Variants in CLSTN3 observed in about 807,000 individuals in gnomAD.
CLSTN3 encodes calsyntenin 3.
A neutral mutation model predicts 95.9 loss-of-function variants in CLSTN3; 36 were observed. The observed-to-expected ratio is 0.38, with a 90% CI of 0.29 to 0.50. The LOEUF is 0.50. Among genes scored for constraint, CLSTN3 ranks in the 20% least tolerant of loss-of-function variants. The pLI, the probability that CLSTN3 is intolerant of heterozygous loss-of-function variation, is 0.95. For synonymous variants in CLSTN3, 481 were observed against 504.0 expected, an observed-to-expected ratio of 0.95 and a Z score of 0.61; for missense variants, 1,084 against 1,268.8, an observed-to-expected ratio of 0.85 and a Z score of 2.21.
chr12:7,130,746 G>A, intron 1 of CLSTN3, 34 bp downstream of exon 1: 3 of 1,540,330 alleles, frequency 1.9e-6, no homozygotes, highest in Non-Finnish European at 2.6e-6. Flanking sequence ...ACCGAAAGAG[G>A]GGCGTCGGGC....
rs1375510736 is a variant in CLSTN3, at chr12:7,137,300, A to G, written c.1210+190A>G. The G allele has an allele frequency of 6.5e-6, 4 of 612,912 alleles. No homozygotes were observed. The East Asian group carries it at 8.4e-5, about 13-fold the overall frequency. The allele number at this position is 612,912 out of a possible 1,614,324, so 38.0% of individuals were successfully genotyped here. A position where few individuals can be genotyped will look rare whatever the true frequency, so the allele number is the denominator to read the frequency against. On this transcript the variant is annotated intron_variant, in intron 7 of 17. Transcript: ENST00000266546. The surrounding 1 kb of genome is among the most constrained non-coding windows in gnomAD (Gnocchi z 4.4). ...TGACATGTTGGATCGTACTGCTGTCAGAGTGCAATGGGATTCCTTGCTGCT... is the reference window on the plus strand; with the variant it reads ...TGACATGTTGGATCGTACTGCTGTCGGAGTGCAATGGGATTCCTTGCTGCT...
Position 7,150,743 on chromosome 12 carries a change from A to T in CLSTN3, c.2391+54A>T. ...GTTACCCACCCCCAGAAAGGAGCTG[A>T]GGTGGCATGGACTCAAAATGTTAGT... is the stretch of plus-strand genomic sequence containing the variant. On this transcript the variant is annotated intron_variant, in intron 15 of 17. Transcript: ENST00000266546. This position sits in a 1 kb window ranked among gnomAD's most constrained non-coding sequence, Gnocchi z 4.0. 1 of 1,596,890 alleles carries T rather than the reference A, an allele frequency of 6.3e-7. No individual in the cohort carries two copies. The highest frequency in any genetic ancestry group is 8.6e-7 in the Non-Finnish European group (1 of 1,166,680).
intron 16 of CLSTN3, 158 bp downstream of exon 16, chr12:7,151,221 A>C: frequency 1.4e-6 from 1 of 716,658 alleles, no homozygotes; most frequent in Non-Finnish European, 2.1e-6. Context: ...CTATGGACCA[A>C]TCCCTCTCTC....
rs776787505 is a variant in CLSTN3 at position 7,158,183 on chromosome 12, A to T, written c.*102A>T. On this transcript the variant is annotated 3_prime_UTR_variant, in exon 18 of 18. Transcript: ENST00000266546. ...TCTGGGAACACAGAGACCAAGAGGG[A>T]GAGAGGCTTCAGAACCAGTCCTCCT... is the stretch of plus-strand genomic sequence containing the variant. The T allele has an allele frequency of 7.3e-7, 1 of 1,367,312 alleles. No homozygotes were observed. The highest frequency in any genetic ancestry group is 2.6e-5 in the East Asian group (1 of 38,576). 84.7% of individuals were successfully genotyped at this position (1,367,312 alleles called of 1,614,324 possible).
chr12:7,157,049 C>A lies in CLSTN3; in HGVS notation c.2528-440C>A, dbSNP rs1240957654. ...CTGCATCTCCTCCTGCTCAGCCAAG[C>A]CCGTGTGGGGGCCCCTCCTCTCCCT... On this transcript the variant is annotated intron_variant, in intron 16 of 17. Coordinates refer to ENST00000266546, the MANE Select transcript of CLSTN3 (RefSeq NM_014718.4). This position sits in a 1 kb window ranked among gnomAD's most constrained non-coding sequence, Gnocchi z 5.9. 7 of 356,552 alleles carry A rather than the reference C, an allele frequency of 2.0e-5. No individual in the cohort carries two copies. The highest frequency in any genetic ancestry group is 7.8e-5 in the Admixed American group (2 of 25,738). 22.1% of individuals were successfully genotyped at this position (356,552 alleles called of 1,614,324 possible).
At position 7,141,498 on chromosome 12, in the gene CLSTN3, C is replaced by A; in HGVS notation, c.1486+94C>A. 3.8e-6 allele frequency: 5 copies of A among 1,317,288 alleles called. No individual in the cohort carries two copies. The highest frequency in any genetic ancestry group is 5.5e-6 in the Non-Finnish European group (5 of 914,798). The allele number at this position is 1,317,288 out of a possible 1,614,324, so 81.6% of individuals were successfully genotyped here. ...GGCAGTCTGACCCAGCAGCTGAGGC[C>A]GCCTCCTGCATCTCTCTGCAGCTGT... On this transcript the variant is annotated intron_variant, in intron 9 of 17. Transcript: ENST00000266546. The surrounding 1 kb of genome is among the most constrained non-coding windows in gnomAD (Gnocchi z 4.1).
chr12:7,137,126 A>C lies in CLSTN3; in HGVS notation c.1210+16A>C, dbSNP rs1239941182. ...GTCCAGAATGGTGAGCCTCCCCTCC[A>C]GGCACTAGCCAGAGGGGGAAACTGG... On this transcript the variant is annotated intron_variant, in intron 7 of 17. Coordinates refer to ENST00000266546, the MANE Select transcript of CLSTN3 (RefSeq NM_014718.4). The surrounding 1 kb of genome is among the most constrained non-coding windows in gnomAD (Gnocchi z 4.4). 26 of 1,591,060 alleles carry C rather than the reference A, an allele frequency of 1.6e-5. No homozygotes were observed. The highest frequency in any genetic ancestry group is 2.1e-5 in the Non-Finnish European group (25 of 1,167,464).
At chr12:7,156,892 C>G (rs1299410378) in intron 16 of CLSTN3, 1 of 453,908 alleles carries the variant, frequency 2.2e-6, no homozygotes, top group Non-Finnish European at 4.4e-6. Flanking sequence ...CCAAGCCCAC[C>G]AGGAGAAGGG....
chr12:7,147,939 G>C (rs1446876502), intron 12 of CLSTN3, among the ~76,000 whole-genome samples: 2 of 152,134 alleles, frequency 1.3e-5, no homozygotes, highest in South Asian at 2.1e-4. Flanking sequence ...CAGATCACCT[G>C]AAGTCAGGAG....
rs746432578 is a variant in CLSTN3, at chr12:7,135,877, CTG to C, written c.669_670del (p.Cys223TrpfsTer8). ...ATAAGTTTACAGTGACAGCTTATGA[CTG>C]TGGGAAGAAGCGGGCAGCAGATGAT... Reference protein sequence around the residue: ...LYKFTVTAYDCGKKRAADDAE... With the variant: ...LYKFTVTAYDXGKKRAADDAE... On this transcript the variant is annotated frameshift_variant, in exon 5 of 18. Coordinates refer to ENST00000266546, the MANE Select transcript of CLSTN3 (RefSeq NM_014718.4). LOFTEE classifies it high-confidence loss of function. 6.2e-7 allele frequency: 1 copy of C among 1,614,076 alleles called. No individual in the cohort carries two copies. Among genetic ancestry groups the C allele is most frequent in the Non-Finnish European group, 8.5e-7 (1 of 1,179,950 alleles).
chr12:7,142,514 C>T (rs1181949693), intron 10 of CLSTN3, among the ~76,000 whole-genome samples: 15 of 151,968 alleles, frequency 9.9e-5, no homozygotes, highest in African/African-American at 3.1e-4. Flanking sequence ...TCTCTCCTGC[C>T]GCCTCCCCCT....
In CLSTN3 at chr12:7,150,896, G is replaced by A. The variant is rs777615988; in HGVS notation, c.2392-32G>A. The A allele has an allele frequency of 1.4e-4, 217 of 1,558,810 alleles. No individual in the cohort carries two copies. The highest frequency in any genetic ancestry group is 6.9e-4 in the Middle Eastern group (4 of 5,836). On this transcript the variant is annotated intron_variant, in intron 15 of 17. Transcript: ENST00000266546. This position sits in a 1 kb window ranked among gnomAD's most constrained non-coding sequence, Gnocchi z 4.0. ...GAAGTGGGGAGGACCTGGGAGAAGC[G>A]TGTGTGCCCATGGAGCCCTCCCTCT...
chr12:7,150,458 G>A lies in CLSTN3; in HGVS notation c.2246-86G>A, dbSNP rs751412984. ...TGACCTGCTCTACAGCTTGTGTGGC[G>A]TCAGCTGGTGGGAGTCCAGGAGAGA... On this transcript the variant is annotated intron_variant, in intron 14 of 17. Transcript: ENST00000266546. The surrounding 1 kb of genome is among the most constrained non-coding windows in gnomAD (Gnocchi z 4.0). The A allele has an allele frequency of 1.0e-5, 15 of 1,487,670 alleles. No individual in the cohort carries two copies. Among genetic ancestry groups the A allele is most frequent in the East Asian group, 4.7e-5 (2 of 42,746 alleles). 92.2% of individuals were successfully genotyped at this position (1,487,670 alleles called of 1,614,324 possible). A position where few individuals can be genotyped will look rare whatever the true frequency, so the allele number is the denominator to read the frequency against.
chr12:7,151,083 C>T lies in CLSTN3; in HGVS notation c.2527+20C>T, dbSNP rs1939716895. ...ACTCCAGTACGTAAGCCTGGTGGGG[C>T]TGGGCAGGGAGGGGCAGGTGGCAGG... On this transcript the variant is annotated intron_variant, in intron 16 of 17. Transcript: ENST00000266546. 1 of 1,552,182 alleles carries T rather than the reference C, an allele frequency of 6.4e-7. No homozygotes were observed. Among genetic ancestry groups the T allele is most frequent in the Admixed American group, 1.9e-5 (1 of 52,598 alleles).
chr12:7,131,216 A>G (rs779504644), intron 1 of CLSTN3: 6 of 224,512 alleles, frequency 2.7e-5, no homozygotes, highest in Non-Finnish European at 4.5e-5. Context: ...CTGCATTCAG[A>G]CCCTTTTGCC....
intron 16 of CLSTN3, among the ~76,000 whole-genome samples, chr12:7,154,666 G>T (rs1049344842): frequency 6.6e-6 from 1 of 152,110 alleles, no homozygotes; most frequent in Non-Finnish European, 1.5e-5. Context: ...ATGTCTAGGG[G>T]GTGGGAGCCA....
At chr12:7,155,002 C>G (rs1004856928) in intron 16 of CLSTN3, among the ~76,000 whole-genome samples, 1 of 152,132 alleles carries the variant, frequency 6.6e-6, no homozygotes, top group Non-Finnish European at 1.5e-5. Context: ...GAGCCAAACG[C>G]TATTTCATGA....
rs1939531206 is a variant in CLSTN3, at chr12:7,141,866, TG to T, written c.1487-215del. Among the ~76,000 whole-genome samples, 1 of 152,104 alleles carries T rather than the reference TG, an allele frequency of 6.6e-6. No individual in the cohort carries two copies. The highest frequency in any genetic ancestry group is 1.5e-5 in the Non-Finnish European group (1 of 68,020). ...TGTTTCCTCAGCAGCATATCGTATT[TG>T]GGGGTTTGTCTATAATAGAGGCTGG... On this transcript the variant is annotated intron_variant, in intron 9 of 17. Transcript: ENST00000266546. This position sits in a 1 kb window ranked among gnomAD's most constrained non-coding sequence, Gnocchi z 4.1.
intron 1 of CLSTN3, 173 bp downstream of exon 1, chr12:7,130,885 T>C: frequency 1.5e-6 from 1 of 653,232 alleles, no homozygotes; most frequent in Non-Finnish European, 2.7e-6. Flanking sequence ...CTCTTTCTCT[T>C]CCCCCAGCTA....
Sources: allele counts gnomAD v4.1 joint callset (sites outside exome capture counted in the v4.1 genomes callset), GRCh38; gene constraint gnomAD v4.1.1; non-coding constraint Gnocchi (gnomAD v3.1); transcripts MANE v1.5; gene names NCBI Gene and HGNC (gene_info 2026-07-23, HGNC 2026-07-21).